Variants in FHIT observed in about 807,000 individuals in gnomAD.
The protein encoded by FHIT is bis(5'-adenosyl)-triphosphatase.
Under a neutral mutation model 17.9 loss-of-function variants are expected in FHIT, and 19 were observed. That is an observed-to-expected ratio of 1.06 (90% CI 0.74 to 1.56). FHIT has a LOEUF of 1.56. FHIT is among the 40% of genes most tolerant of loss of function. The pLI is 0.00. For missense variants in FHIT, 248 were observed against 189.2 expected, an observed-to-expected ratio of 1.31 and a Z score of -1.82; for synonymous variants, 81 against 69.7, an observed-to-expected ratio of 1.16 and a Z score of -0.81.
chr3:61,195,017 T>G (rs1319773740), intron 2 of FHIT, among the ~76,000 whole-genome samples: 5 of 121,654 alleles, frequency 4.1e-5, no homozygotes, highest in Admixed American at 1.8e-4. Context: ...TAGTGGGGGG[T>G]GTGATAGTGG....
At chr3:60,300,040 G>A (rs1708384884) in intron 5 of FHIT, among the ~76,000 whole-genome samples, 1 of 151,998 alleles carries the variant, frequency 6.6e-6, no homozygotes, top group Non-Finnish European at 1.5e-5. Context: ...TAGTTCCAGG[G>A]CTGGGATAGC....
intron 5 of FHIT, among the ~76,000 whole-genome samples, chr3:60,360,574 C>A (rs977858445): frequency 6.6e-6 from 1 of 151,994 alleles, no homozygotes; most frequent in African/African-American, 2.4e-5. Flanking sequence ...CTCTGAGCAC[C>A]CACAAAATGA....
intron 4 of FHIT, among the ~76,000 whole-genome samples, chr3:60,819,473 C>A (rs1553738658): frequency 6.6e-6 from 1 of 152,154 alleles, no homozygotes; most frequent in East Asian, 1.9e-4. Context: ...TACCTTATTT[C>A]TTTGGTCTCA....
intron 4 of FHIT, among the ~76,000 whole-genome samples, chr3:60,552,389 A>G (rs1447526904): frequency 6.6e-6 from 1 of 152,198 alleles, no homozygotes; most frequent in East Asian, 1.9e-4. Context: ...TTAACATTTT[A>G]AGGAACTGCC....
intron 5 of FHIT, among the ~76,000 whole-genome samples, chr3:60,202,447 C>G (rs947973198): frequency 6.6e-6 from 1 of 152,180 alleles, no homozygotes; most frequent in African/African-American, 2.4e-5. Flanking sequence ...TACTGCTGCC[C>G]AAGCACACAT....
intron 3 of FHIT, among the ~76,000 whole-genome samples, chr3:60,839,017 G>A (rs1409973302): frequency 6.6e-6 from 1 of 152,044 alleles, no homozygotes; most frequent in African/African-American, 2.4e-5. Flanking sequence ...CTGTGAGACT[G>A]AATGCCTGGC....
At chr3:61,172,786 C>G (rs1179311948) in intron 2 of FHIT, among the ~76,000 whole-genome samples, 1 of 152,108 alleles carries the variant, frequency 6.6e-6, no homozygotes, top group African/African-American at 2.4e-5. Context: ...CCACACAACC[C>G]CTGAGAGCCC....
chr3:59,861,527 A>G (rs567656449), intron 8 of FHIT, among the ~76,000 whole-genome samples: 7 of 152,358 alleles, frequency 4.6e-5, no homozygotes, highest in African/African-American at 1.7e-4. Context: ...AAATTTCCCC[A>G]TCATTATTAG....
intron 2 of FHIT, among the ~76,000 whole-genome samples, chr3:61,173,474 T>G (rs187938452): frequency 5.3e-5 from 8 of 152,328 alleles, no homozygotes; most frequent in African/African-American, 1.9e-4. Context: ...ATGCTTTCGA[T>G]GTCTTTGGTG....
In FHIT at chr3:60,537,265, G is replaced by A. The variant is rs191046390; in HGVS notation, c.-17-286C>T. 8.7e-4 allele frequency among the ~76,000 whole-genome samples: 133 copies of A among 152,134 alleles called. 3 individuals carry two copies. Among genetic ancestry groups the A allele is most frequent in the South Asian group, 6.8e-3 (33 of 4,818 alleles). ...CCCCTTCACTCCCTCTGCACTTCAC[G>A]GTGCCACCTTAACTCAAATCCACAA... On this transcript the variant is annotated intron_variant, in intron 4 of 9. Transcript: ENST00000492590.
chr3:60,941,008 G>C (rs958182758), intron 3 of FHIT, among the ~76,000 whole-genome samples: 1 of 151,980 alleles, frequency 6.6e-6, no homozygotes, highest in Non-Finnish European at 1.5e-5. Flanking sequence ...AAAAGAAACA[G>C]TTGAAATTAA....
intron 3 of FHIT, among the ~76,000 whole-genome samples, chr3:60,945,275 G>A (rs185957765): frequency 7.9e-5 from 12 of 152,280 alleles, no homozygotes; most frequent in African/African-American, 2.9e-4. Context: ...TCAACAGACT[G>A]CAGGGAGAAA....
At chr3:60,786,147 G>C (rs1041856525) in intron 4 of FHIT, among the ~76,000 whole-genome samples, 17 of 152,128 alleles carry the variant, frequency 1.1e-4, no homozygotes, top group Non-Finnish European at 7.4e-5. Flanking sequence ...AGACAGCCCT[G>C]GGCTGAAGTC....
At chr3:60,631,332 C>T (rs1553682388) in intron 4 of FHIT, among the ~76,000 whole-genome samples, 1 of 152,038 alleles carries the variant, frequency 6.6e-6, no homozygotes, top group African/African-American at 2.4e-5. Flanking sequence ...ACTGAAACCA[C>T]CAAAATCAAA....
chr3:60,333,959 C>T (rs186473874), intron 5 of FHIT, among the ~76,000 whole-genome samples: 2 of 114,416 alleles, frequency 1.7e-5, no homozygotes, highest in African/African-American at 6.9e-5. Flanking sequence ...TGTTTTCCTA[C>T]ACATGGTTAC....
intron 3 of FHIT, among the ~76,000 whole-genome samples, chr3:61,037,364 T>G (rs1310153697): frequency 6.6e-6 from 1 of 152,166 alleles, no homozygotes; most frequent in Non-Finnish European, 1.5e-5. Flanking sequence ...TTTCCTCAAC[T>G]GTAAAGCAAG....
intron 7 of FHIT, among the ~76,000 whole-genome samples, chr3:59,934,345 C>A (rs963130505): frequency 6.6e-6 from 1 of 152,044 alleles, no homozygotes; most frequent in South Asian, 2.1e-4. Flanking sequence ...TTGAACACAG[C>A]CTAGTAAAAG....
At chr3:59,957,063 A>G (rs969445092) in intron 7 of FHIT, among the ~76,000 whole-genome samples, 1 of 152,240 alleles carries the variant, frequency 6.6e-6, no homozygotes, top group Admixed American at 6.5e-5. Flanking sequence ...GAAACCTGGC[A>G]GAGGAGCTGA....
intron 4 of FHIT, among the ~76,000 whole-genome samples, chr3:60,699,790 C>T (rs2041199151): frequency 7.3e-6 from 1 of 137,404 alleles, no homozygotes; most frequent in South Asian, 2.3e-4. Flanking sequence ...CATACACACA[C>T]ACAATGAGAA....
Sources: gnomAD v4.1 joint callset for allele counts (sites outside exome capture counted in the v4.1 genomes callset) on GRCh38, gnomAD v4.1.1 for gene constraint, MANE v1.5 for transcripts, NCBI Gene and HGNC (gene_info 2026-07-23, HGNC 2026-07-21) for gene names.